INSL6: variants seen among roughly 807,000 people sequenced by gnomAD.
INSL6 encodes insulin-like peptide INSL6.
Under a neutral mutation model 9.4 loss-of-function variants are expected in INSL6, and 16 were observed. The observed-to-expected ratio is 1.70, with a 90% confidence interval of 1.15 to 2.59. The LOEUF (loss-of-function observed/expected upper bound fraction) is 2.59. Ranked by LOEUF, INSL6 falls within the 30% of genes most tolerant of loss-of-function variation. The pLI, the probability that INSL6 is intolerant of heterozygous loss-of-function variation, is 0.00. For synonymous variants in INSL6, 154 were observed against 96.9 expected, an observed-to-expected ratio of 1.59 and a Z score of -3.46; for missense variants, 391 against 257.3, an observed-to-expected ratio of 1.52 and a Z score of -3.56.
At chr9:5,111,204 C>T in the INSL6 span, 5 of 631,968 alleles carry the variant, frequency 7.9e-6, no homozygotes, top group East Asian at 7.6e-5. Flanking sequence ...GACCGGGACT[C>T]GGAGGCAAGA....
the INSL6 span, among the ~76,000 whole-genome samples, chr9:5,089,164 A>AATT: frequency 2.0e-5 from 3 of 152,212 alleles, no homozygotes; most frequent in Admixed American, 6.5e-5. Flanking sequence ...CTTTTGAAGA[A>AATT]ATTAAATTTA....
chr9:5,019,994 C>T, the INSL6 span, among the ~76,000 whole-genome samples: 2 of 152,138 alleles, frequency 1.3e-5, no homozygotes, highest in Non-Finnish European at 2.9e-5. Context: ...TTAGTGGGTC[C>T]AGGCAGTCCA....
At chr9:5,165,466 C>T (rs548442375) in intron 1 of INSL6, among the ~76,000 whole-genome samples, 1 of 152,250 alleles carries the variant, frequency 6.6e-6, no homozygotes, top group South Asian at 2.1e-4. Context: ...TGATTATCAC[C>T]ATGGATGCAC....
At chr9:5,106,841 T>C in the INSL6 span, among the ~76,000 whole-genome samples, 6 of 151,580 alleles carry the variant, frequency 4.0e-5, no homozygotes, top group Admixed American at 6.6e-5. Context: ...TAGGTGGGAG[T>C]TGAACAATGA....
chr9:5,085,723 C>T, the INSL6 span: 1 of 752,466 alleles, frequency 1.3e-6, no homozygotes, highest in South Asian at 1.4e-5. Flanking sequence ...TGGATCATTT[C>T]TGCAATTAAG....
the INSL6 span, among the ~76,000 whole-genome samples, chr9:5,101,174 G>A: frequency 1.3e-5 from 2 of 152,324 alleles, no homozygotes; most frequent in Admixed American, 6.5e-5. Context: ...GGACACTTTT[G>A]CCCAAATACT....
the INSL6 span, among the ~76,000 whole-genome samples, chr9:4,994,728 C>T: frequency 3.3e-5 from 5 of 152,134 alleles, no homozygotes; most frequent in African/African-American, 1.2e-4. Flanking sequence ...TATGTGTGAA[C>T]TGTGCTCTGC....
At chr9:5,160,576 T>A (rs115927767), downstream of INSL6, among the ~76,000 whole-genome samples, 1 of 151,998 alleles carries the variant, frequency 6.6e-6, no homozygotes, top group Non-Finnish European at 1.5e-5. Context: ...CCAAAGTTAA[T>A]AGAAGAAAAT....
the INSL6 span, chr9:5,111,726 G>T: frequency 2.3e-6 from 1 of 433,010 alleles, no homozygotes; most frequent in South Asian, 1.7e-5. Context: ...CAGCACGAGC[G>T]CGTGGGCTAC....
the INSL6 span, among the ~76,000 whole-genome samples, chr9:5,032,603 T>A: frequency 2.0e-5 from 3 of 152,360 alleles, no homozygotes; most frequent in African/African-American, 7.2e-5. Flanking sequence ...TCCGCTGTTC[T>A]GCAGCCACTG....
At chr9:5,140,017 C>T (rs1403141545) in intron 2 of INSL6, among the ~76,000 whole-genome samples, 1 of 152,020 alleles carries the variant, frequency 6.6e-6, no homozygotes, top group Non-Finnish European at 1.5e-5. Flanking sequence ...TTGCAAATAA[C>T]TGGGAAAAAA....
intron 1 of INSL6, among the ~76,000 whole-genome samples, chr9:5,173,247 C>T (rs1046831930): frequency 2.6e-5 from 4 of 152,068 alleles, no homozygotes; most frequent in African/African-American, 9.7e-5. Context: ...TACCATTTGA[C>T]CCAGCAATAC....
chr9:4,993,743 C>T, the INSL6 span, among the ~76,000 whole-genome samples: 1 of 152,158 alleles, frequency 6.6e-6, no homozygotes, highest in African/African-American at 2.4e-5. Context: ...CTGTTCCTGG[C>T]TATATAGCAG....
intron 2 of INSL6, among the ~76,000 whole-genome samples, chr9:5,158,521 A>G (rs1824862522): frequency 6.6e-6 from 1 of 152,170 alleles, no homozygotes; most frequent in South Asian, 2.1e-4. Context: ...GAACTTCAAC[A>G]TGTCTGGTAA....
the INSL6 span, among the ~76,000 whole-genome samples, chr9:5,049,990 T>G: frequency 6.6e-6 from 1 of 152,230 alleles, no homozygotes; most frequent in Non-Finnish European, 1.5e-5. Flanking sequence ...ATATGTGGTC[T>G]GCCATTGACC....
At chr9:5,117,433 G>C in the INSL6 span, among the ~76,000 whole-genome samples, 1 of 151,948 alleles carries the variant, frequency 6.6e-6, no homozygotes, top group East Asian at 1.9e-4. Context: ...GGGACTTTAG[G>C]GTGTCTGTGA....
chr9:5,034,468 A>C, the INSL6 span, among the ~76,000 whole-genome samples: 1 of 152,152 alleles, frequency 6.6e-6, no homozygotes, highest in Admixed American at 6.5e-5. Flanking sequence ...CCTATTCCAA[A>C]ATTGACCACA....
the INSL6 span, among the ~76,000 whole-genome samples, chr9:5,050,189 T>G: frequency 1.3e-5 from 2 of 152,248 alleles, no homozygotes; most frequent in African/African-American, 4.8e-5. Context: ...ATATGTACTC[T>G]GTAATTGGGA....
chr9:5,081,054 C>T, the INSL6 span, among the ~76,000 whole-genome samples: 6 of 151,842 alleles, frequency 4.0e-5, no homozygotes, highest in East Asian at 1.2e-3. Context: ...CGCCACCACA[C>T]CCGGCTAATT....
Sources: gnomAD v4.1 joint callset for allele counts (sites outside exome capture counted in the v4.1 genomes callset) on GRCh38, gnomAD v4.1.1 for gene constraint, MANE v1.5 for transcripts, NCBI Gene and HGNC (gene_info 2026-07-23, HGNC 2026-07-21) for gene names.